The following PCDH11X variants were observed in gnomAD, a reference collection of about 807,000 sequenced individuals.
PCDH11X encodes protocadherin-11 X-linked.
PCDH11X carries 18 observed loss-of-function variants against 53.3 expected under a neutral mutation model. That is an observed-to-expected ratio of 0.34 (90% CI 0.23 to 0.50). PCDH11X has a LOEUF of 0.50. Ranked by LOEUF, PCDH11X falls within the 20% of genes least tolerant of loss-of-function variation. PCDH11X has a pLI of 0.98. For missense variants in PCDH11X, 570 were observed against 1,032.4 expected (o/e 0.55, Z 6.14); for synonymous variants, 279 against 393.3 (o/e 0.71, Z 3.44).
At chrX:91,832,689 A>T (rs988415106) in intron 4 of PCDH11X, among the ~76,000 whole-genome samples, 1 of 110,114 alleles carries the variant, frequency 9.1e-6, no homozygotes, top group African/African-American at 3.3e-5. Flanking sequence ...TTTAGAATGG[A>T]TTGAGGGAGG....
intron 8 of PCDH11X, among the ~76,000 whole-genome samples, chrX:92,356,883 A>G (rs1393387728): frequency 1.8e-5 from 2 of 110,356 alleles, no homozygotes; most frequent in African/African-American, 3.3e-5. Flanking sequence ...GCCACGTAAA[A>G]TTGTCCACTC....
intron 8 of PCDH11X, among the ~76,000 whole-genome samples, chrX:92,364,284 A>T (rs749010917): frequency 8.9e-6 from 1 of 112,172 alleles, no homozygotes; most frequent in Non-Finnish European, 1.9e-5. Flanking sequence ...CCTATTACAT[A>T]CTTAGGCTAT....
chrX:92,371,237 G>A (rs754098794), intron 8 of PCDH11X, among the ~76,000 whole-genome samples: 20 of 105,806 alleles, frequency 1.9e-4, no homozygotes, highest in Non-Finnish European at 5.8e-5. Flanking sequence ...TCATAGTCAG[G>A]ACTTACTATT....
intron 6 of PCDH11X, among the ~76,000 whole-genome samples, chrX:92,131,993 C>T (rs1189825068): frequency 9.3e-6 from 1 of 107,428 alleles, no homozygotes; most frequent in East Asian, 2.9e-4. Flanking sequence ...AACTGGTGGC[C>T]AGGCATAGTG....
chrX:92,353,222 A>T (rs955974647), intron 8 of PCDH11X, among the ~76,000 whole-genome samples: 3 of 112,126 alleles, frequency 2.7e-5, no homozygotes, highest in African/African-American at 9.7e-5. Flanking sequence ...GAAAATTGGC[A>T]TCTTCCTCTA....
At chrX:92,208,724 A>G (rs1481140291) in intron 7 of PCDH11X, among the ~76,000 whole-genome samples, 3 of 105,639 alleles carry the variant, frequency 2.8e-5, no homozygotes, top group African/African-American at 6.9e-5. Context: ...ATCCCCGAAA[A>G]TGCAATTTTT....
chrX:92,278,106 G>T (rs1408510740), intron 8 of PCDH11X, among the ~76,000 whole-genome samples: 1 of 111,691 alleles, frequency 9.0e-6, no homozygotes, highest in African/African-American at 3.3e-5. Context: ...AAAATGAAAG[G>T]AATTGAAATT....
intron 6 of PCDH11X, among the ~76,000 whole-genome samples, chrX:91,964,095 C>T (rs2061830939): frequency 9.4e-6 from 1 of 105,893 alleles, no homozygotes; most frequent in Middle Eastern, 4.7e-3. Context: ...AATTTAGGGG[C>T]AAATTTAACC....
intron 6 of PCDH11X, among the ~76,000 whole-genome samples, chrX:91,998,463 T>C (rs1430009319): frequency 9.9e-6 from 1 of 100,976 alleles, no homozygotes; most frequent in African/African-American, 3.6e-5. Flanking sequence ...TAAAATTTGA[T>C]AAAATTCAAC....
At chrX:91,845,924 G>A (rs1937628246) in intron 5 of PCDH11X, among the ~76,000 whole-genome samples, 1 of 110,094 alleles carries the variant, frequency 9.1e-6, no homozygotes, top group Admixed American at 9.7e-5. Flanking sequence ...GACTTCTTAA[G>A]CTATATTTTC....
At chrX:91,833,441 T>C (rs1395432669) in intron 4 of PCDH11X, among the ~76,000 whole-genome samples, 2 of 109,934 alleles carry the variant, frequency 1.8e-5, no homozygotes, top group East Asian at 2.9e-4. Context: ...ATGCACATCA[T>C]TGTACAAATG....
At chrX:92,440,546 G>T (rs1223580644) in intron 9 of PCDH11X, among the ~76,000 whole-genome samples, 1 of 108,551 alleles carries the variant, frequency 9.2e-6, no homozygotes, top group Admixed American at 9.9e-5. Context: ...AGTCTCATGA[G>T]ATCTGATGGT....
At chrX:91,834,900 C>G in intron 4 of PCDH11X, 1 of 641,562 alleles carries the variant, frequency 1.6e-6, no homozygotes, top group Non-Finnish European at 1.9e-6. Flanking sequence ...TCCCAAACTT[C>G]TCTTCTTCAA....
intron 6 of PCDH11X, among the ~76,000 whole-genome samples, chrX:92,011,311 A>G (rs1233064606): frequency 2.7e-5 from 3 of 112,036 alleles, no homozygotes; most frequent in Middle Eastern, 4.6e-3. Context: ...TGCTTTCCCC[A>G]GTGGCTAAAC....
rs1210886500 is a variant in PCDH11X at position 92,262,479 on chromosome X, G to A, written c.3115-635G>A. 3.6e-5 allele frequency among the ~76,000 whole-genome samples: 4 copies of A among 111,127 alleles called. No individual in the cohort carries two copies. In the South Asian group the frequency reaches 1.5e-3, roughly 42 times the overall value. On this transcript the variant is annotated intron_variant, in intron 7 of 10. Transcript: ENST00000682573. ...TAAAAAGTAACTTAACCTGTCTCCT[G>A]AAAGTGGTTGAGGGAGAAAAAAAAG...
At chrX:92,017,530 C>G (rs2062815064) in intron 6 of PCDH11X, among the ~76,000 whole-genome samples, 1 of 61,488 alleles carries the variant, frequency 1.6e-5, no homozygotes, top group African/African-American at 8.0e-5. Flanking sequence ...AAAACCTTGT[C>G]TCTATAAAAA....
chrX:92,268,416 C>T (rs901546913), intron 8 of PCDH11X, among the ~76,000 whole-genome samples: 5 of 110,688 alleles, frequency 4.5e-5, no homozygotes, highest in South Asian at 7.8e-4. Context: ...CTCAGCCTCC[C>T]GAGTAGCTGG....
intron 1 of PCDH11X, among the ~76,000 whole-genome samples, chrX:91,795,432 G>T (rs1462377379): frequency 9.1e-6 from 1 of 110,438 alleles, no homozygotes; most frequent in Non-Finnish European, 1.9e-5. Flanking sequence ...TAAATCACAT[G>T]TATAATGATC....
intron 5 of PCDH11X, among the ~76,000 whole-genome samples, chrX:91,858,674 C>T: frequency 9.3e-6 from 1 of 107,104 alleles, no homozygotes; most frequent in Middle Eastern, 4.7e-3. Context: ...TTCCACAAAT[C>T]TCTAGGGCAG....
Sources: allele counts gnomAD v4.1 joint callset (sites outside exome capture counted in the v4.1 genomes callset), GRCh38; gene constraint gnomAD v4.1.1; transcripts MANE v1.5; gene names NCBI Gene and HGNC (gene_info 2026-07-23, HGNC 2026-07-21).